The following MLKL variants were observed in gnomAD, a reference collection of about 807,000 sequenced individuals.
MLKL encodes the protein mixed lineage kinase domain like pseudokinase.
Under a neutral mutation model 56.5 loss-of-function variants are expected in MLKL, and 55 were observed. The observed-to-expected ratio is 0.97, with a 90% CI of 0.78 to 1.22. MLKL has a LOEUF of 1.22. Ranked by LOEUF, MLKL falls within the 50% of genes most tolerant of loss-of-function variation. MLKL has a pLI of 0.00. For missense variants in MLKL, 694 were observed against 573.9 expected, an observed-to-expected ratio of 1.21 and a Z score of -2.14; for synonymous variants, 251 against 208.3, an observed-to-expected ratio of 1.20 and a Z score of -1.76.
At position 74,675,593 on chromosome 16, in the gene MLKL, G is replaced by C. The variant is rs375767278; in HGVS notation, c.1190+20C>G. 4 of 1,607,958 alleles carry C rather than the reference G, an allele frequency of 2.5e-6. No individual in the cohort carries two copies. The highest frequency in any genetic ancestry group is 1.7e-5 in the Admixed American group (1 of 59,766). ...ATTATGCACATCTGAGTTAGAATCTGTACCAGAACGTGAGTGTACCTGTAT... is the reference window on the plus strand; with the variant it reads ...ATTATGCACATCTGAGTTAGAATCTCTACCAGAACGTGAGTGTACCTGTAT... On this transcript the variant is annotated intron_variant, in intron 8 of 10. Coordinates refer to ENST00000308807, the MANE Select transcript of MLKL (RefSeq NM_152649.4).
rs1959490159 is a variant in MLKL at position 74,674,940 on chromosome 16, T to C, written c.1381+20A>G. On this transcript the variant is annotated intron_variant, in intron 10 of 10. Transcript: ENST00000308807. ...AAATAATGATGGGGCTCACGCTCTTTACACCAGAAAGAACCCTACCATCCA... is the reference window on the plus strand; with the variant it reads ...AAATAATGATGGGGCTCACGCTCTTCACACCAGAAAGAACCCTACCATCCA... 3.1e-6 allele frequency: 5 copies of C among 1,609,376 alleles called. No individual in the cohort carries two copies. Among genetic ancestry groups the C allele is most frequent in the East Asian group, 2.2e-5 (1 of 44,858 alleles).
At chr16:74,680,274 C>T (rs1959863330) in intron 6 of MLKL, among the ~76,000 whole-genome samples, 1 of 152,106 alleles carries the variant, frequency 6.6e-6, no homozygotes. Flanking sequence ...GTGTCCCCTA[C>T]AACATCCAAA....
intron 4 of MLKL, among the ~76,000 whole-genome samples, chr16:74,689,009 A>T (rs12924203): frequency 0.14 from 20,746 of 152,242 alleles, 1,883 homozygotes; most frequent in East Asian, 0.43. Context: ...CTATAGAGAC[A>T]GAAGGTAGGA....
chr16:74,683,834 A>C (rs1430591329), intron 5 of MLKL, among the ~76,000 whole-genome samples: 2 of 152,194 alleles, frequency 1.3e-5, no homozygotes, highest in Non-Finnish European at 2.9e-5. Context: ...GACTCAGACA[A>C]GAAGTCGACT....
chr16:74,691,768 G>C (rs1299233816), intron 3 of MLKL, among the ~76,000 whole-genome samples: 1 of 152,106 alleles, frequency 6.6e-6, no homozygotes, highest in Non-Finnish European at 1.5e-5. Context: ...ATCCTGGAAG[G>C]ATGTCTATTC....
intron 1 of MLKL, among the ~76,000 whole-genome samples, chr16:74,699,165 A>G (rs1331338456): frequency 2.0e-5 from 3 of 152,050 alleles, no homozygotes. Context: ...GCACAAAACA[A>G]AGCTTGAAGA....
intron 4 of MLKL, among the ~76,000 whole-genome samples, chr16:74,689,596 G>C (rs1355164883): frequency 6.6e-6 from 1 of 152,024 alleles, no homozygotes; most frequent in Admixed American, 6.6e-5. Context: ...TGAAAAAGAA[G>C]AATCAAGAGG....
intron 1 of MLKL, among the ~76,000 whole-genome samples, chr16:74,699,375 G>T (rs1961242299): frequency 1.3e-5 from 2 of 152,068 alleles, no homozygotes; most frequent in Admixed American, 1.3e-4. Flanking sequence ...AAAAAATAAA[G>T]AAAAGGGGAC....
chr16:74,696,199 C>A (rs1364801604), intron 1 of MLKL, among the ~76,000 whole-genome samples: 1 of 152,136 alleles, frequency 6.6e-6, no homozygotes, highest in African/African-American at 2.4e-5. Flanking sequence ...GAGCTGCCCA[C>A]AGACCTGGAA....
chr16:74,674,944 C>T lies in MLKL; in HGVS notation c.1381+16G>A. ...AATGATGGGGCTCACGCTCTTTACA[C>T]CAGAAAGAACCCTACCATCCACAGA... On this transcript the variant is annotated intron_variant, in intron 10 of 10. Transcript: ENST00000308807. 2 of 1,609,322 alleles carry T rather than the reference C, an allele frequency of 1.2e-6. No individual in the cohort carries two copies. Among genetic ancestry groups the T allele is most frequent in the Non-Finnish European group, 1.7e-6 (2 of 1,178,572 alleles).
intron 1 of MLKL, among the ~76,000 whole-genome samples, chr16:74,698,316 T>C (rs539644535): frequency 6.6e-6 from 1 of 152,164 alleles, no homozygotes; most frequent in African/African-American, 2.4e-5. Context: ...ATCGCCAGTT[T>C]ATGGATTAAT....
At chr16:74,692,705 G>T (rs1313465635) in intron 2 of MLKL, among the ~76,000 whole-genome samples, 1 of 152,262 alleles carries the variant, frequency 6.6e-6, no homozygotes, top group African/African-American at 2.4e-5. Flanking sequence ...CAACCTGGCT[G>T]CTTTGGAAGT....
intron 5 of MLKL, among the ~76,000 whole-genome samples, chr16:74,683,249 C>T (rs967988929): frequency 6.7e-6 from 1 of 149,384 alleles, no homozygotes; most frequent in Non-Finnish European, 1.5e-5. Context: ...GCAGAGATTG[C>T]ACCACTGCAC....
chr16:74,697,857 G>T (rs541850818), intron 1 of MLKL, among the ~76,000 whole-genome samples: 49 of 152,200 alleles, frequency 3.2e-4, no homozygotes, highest in Admixed American at 1.4e-3. Context: ...CTGCGGTTCA[G>T]GGAGGTTGCA....
chr16:74,685,466 A>G lies in MLKL; in HGVS notation c.820+20T>C, dbSNP rs373082889. 27 of 1,595,672 alleles carry G rather than the reference A, an allele frequency of 1.7e-5. No individual in the cohort carries two copies. The African/African-American group carries it at 3.2e-4, about 19-fold the overall frequency. The stretch of plus-strand genomic sequence containing the variant: ...TTCTAGGCCATCCAAAGCTTGACCA[A>G]TCCTAGAAGCATTCCTTACCTGTTT... On this transcript the variant is annotated intron_variant, in intron 5 of 10. Transcript: ENST00000308807.
In MLKL at chr16:74,682,632, C is replaced by T; in HGVS notation, c.956+19G>A. 1 of 1,613,172 alleles carries T rather than the reference C, an allele frequency of 6.2e-7. No homozygotes were observed. Among genetic ancestry groups the T allele is most frequent in the Non-Finnish European group, 8.5e-7 (1 of 1,179,820 alleles). On this transcript the variant is annotated intron_variant, in intron 6 of 10. Coordinates refer to ENST00000308807, the MANE Select transcript of MLKL (RefSeq NM_152649.4). Reference sequence around the variant, plus strand: ...CAGACCCATCCAACCCTTAGTGGCGCCTTTTCACCCCGTCTTACCGGTATA... The same window carrying T: ...CAGACCCATCCAACCCTTAGTGGCGTCTTTTCACCCCGTCTTACCGGTATA...
chr16:74,693,157 A>C (rs1960778415), intron 2 of MLKL, among the ~76,000 whole-genome samples: 1 of 152,114 alleles, frequency 6.6e-6, no homozygotes, highest in African/African-American at 2.4e-5. Flanking sequence ...ATTTCTCATA[A>C]AGATATCTTG....
chr16:74,686,393 G>T (rs59102630), intron 4 of MLKL, among the ~76,000 whole-genome samples: 2 of 152,072 alleles, frequency 1.3e-5, no homozygotes, highest in African/African-American at 4.8e-5. Flanking sequence ...CAATCCTGCC[G>T]AACATGGTGA....
At position 74,682,712 on chromosome 16, in the gene MLKL, T is replaced by C; in HGVS notation, c.895A>G (p.Lys299Glu). 1.2e-6 allele frequency: 2 copies of C among 1,614,134 alleles called. No homozygotes were observed. Among genetic ancestry groups the C allele is most frequent in the Non-Finnish European group, 8.5e-7 (1 of 1,180,014 alleles). Reference protein sequence around the residue: ...GTLRELLDREKDLTLGKRMVL... With the variant: ...GTLRELLDREEDLTLGKRMVL... ...ATGCGCTTGCCAAGTGTGAGGTCTT[T>C]TTCCCTATCCAACAGCTCCCTCAGG... Residue 299 changes from lysine to glutamate, a missense_variant, in exon 6 of 11, where the codon AAA (lysine) becomes GAA (glutamate). By Grantham distance (56) the Lys-to-Glu change is moderately conservative. Coordinates refer to ENST00000308807, the MANE Select transcript of MLKL (RefSeq NM_152649.4).
Sources: gnomAD v4.1 joint callset for allele counts (sites outside exome capture counted in the v4.1 genomes callset) on GRCh38, gnomAD v4.1.1 for gene constraint, MANE v1.5 for transcripts, NCBI Gene and HGNC (gene_info 2026-07-23, HGNC 2026-07-21) for gene names.